The following NID1 variants were observed in gnomAD, a reference collection of about 807,000 sequenced individuals.
NID1 encodes the protein nidogen 1.
Under a neutral mutation model 130.6 loss-of-function variants are expected in NID1, and 76 were observed. The observed-to-expected ratio is 0.58, with a 90% CI of 0.48 to 0.70. The LOEUF (loss-of-function observed/expected upper bound fraction) is 0.70. Ranked by LOEUF, NID1 falls within the 30% of genes least tolerant of loss-of-function variation. The probability of loss-of-function intolerance (pLI) is 0.00; values close to 1 mark genes in which losing one functional copy is unlikely to be tolerated. For synonymous variants in NID1, 665 were observed against 675.1 expected (o/e 0.98, Z 0.23); for missense variants, 1,517 against 1,664.8 (o/e 0.91, Z 1.54).
At chr1:236,002,830 C>T (rs1658120628) in intron 12 of NID1, among the ~76,000 whole-genome samples, 1 of 152,202 alleles carries the variant, frequency 6.6e-6, no homozygotes, top group Admixed American at 6.5e-5. Flanking sequence ...GACGTGGCCA[C>T]AGACATCAAG....
chr1:236,017,307 T>C, intron 9 of NID1, 34 bp from the exon 10 acceptor site: 1 of 1,610,764 alleles, frequency 6.2e-7, no homozygotes, highest in Non-Finnish European at 8.5e-7. Flanking sequence ...TGCAGGCTTT[T>C]TTTTAAAGCT....
rs1479929297 is a variant in NID1 at position 235,979,890 on chromosome 1, G to T, written c.3441C>A (p.Leu1147=). 1.9e-6 allele frequency: 3 copies of T among 1,613,996 alleles called. No individual in the cohort carries two copies. The highest frequency in any genetic ancestry group is 1.7e-5 in the Admixed American group (1 of 59,998). ...CAGCAAAAGGATACTGGAGCCCTTCGAGAGCCTTGCGTCTGCTGGGCTGAC... is the reference window on the plus strand; with the variant it reads ...CAGCAAAAGGATACTGGAGCCCTTCTAGAGCCTTGCGTCTGCTGGGCTGAC... The part of the protein sequence containing the change: ...NPSQPSRRKA[L]EGLQYPFAVT... Residue 1147 remains leucine, a synonymous_variant, in exon 18 of 20, where the codon CTC becomes CTA. Transcript: ENST00000264187. The surrounding 1 kb of genome is among the most constrained non-coding windows in gnomAD (Gnocchi z 4.6).
At position 236,064,967 on chromosome 1, in the gene NID1, C is replaced by T; in HGVS notation, c.113G>A (p.Gly38Asp). The T allele has an allele frequency of 6.3e-7, 1 of 1,593,932 alleles. No homozygotes were observed. Among genetic ancestry groups the T allele is most frequent in the Non-Finnish European group, 8.5e-7 (1 of 1,171,012 alleles). ...CAGCTCCAGGTCCCCCTGTCCGGGGCCGAAGGGAAAGAGCTCCTGGCGGCT... is the reference window on the plus strand; with the variant it reads ...CAGCTCCAGGTCCCCCTGTCCGGGGTCGAAGGGAAAGAGCTCCTGGCGGCT... ...CLSRQELFPF[G>D]PGQGDLELED... The change falls in exon 1 of 20, where the codon GGC (glycine) becomes GAC (aspartate). Residue 38 changes from glycine to aspartate, a missense_variant. Gly to Asp is a moderately conservative substitution (Grantham distance 94). Coordinates refer to ENST00000264187, the MANE Select transcript of NID1 (RefSeq NM_002508.3).
intron 2 of NID1, among the ~76,000 whole-genome samples, chr1:236,046,698 C>G (rs1251850141): frequency 6.6e-6 from 1 of 152,018 alleles, no homozygotes; most frequent in African/African-American, 2.4e-5. Flanking sequence ...AGATTAGGCC[C>G]AAGAGGCAAG....
chr1:236,025,871 C>A, intron 8 of NID1, 25 bp downstream of exon 8: 1 of 1,607,978 alleles, frequency 6.2e-7, no homozygotes, highest in Non-Finnish European at 8.5e-7. Context: ...AGCACCTGTG[C>A]CCAGCATGAG....
In NID1 at chr1:236,061,132, A is replaced by G. The variant is rs866761453; in HGVS notation, c.225+3723T>C. 3.3e-5 allele frequency among the ~76,000 whole-genome samples: 5 copies of G among 152,350 alleles called. No individual in the cohort carries two copies. The Middle Eastern group carries it at 0.014, about 415-fold the overall frequency. On this transcript the variant is annotated intron_variant, in intron 1 of 19. Coordinates refer to ENST00000264187, the MANE Select transcript of NID1 (RefSeq NM_002508.3). ...AATAAATGCAGAAAGAATGACAGAA[A>G]CAAGCAACCAGCAAAATAAAATAAA... is the stretch of plus-strand genomic sequence containing the variant.
intron 12 of NID1, among the ~76,000 whole-genome samples, chr1:236,003,223 T>C (rs1355950284): frequency 6.6e-6 from 1 of 151,266 alleles, no homozygotes; most frequent in African/African-American, 2.4e-5. Flanking sequence ...CCGGTAGTTA[T>C]TCACTACTAA....
chr1:236,063,551 G>GT (rs982611031), intron 1 of NID1, among the ~76,000 whole-genome samples: 23 of 151,970 alleles, frequency 1.5e-4, no homozygotes, highest in African/African-American at 3.1e-4. Flanking sequence ...TAAGATGTGT[G>GT]TTTTTTTAAT....
At chr1:236,050,000 C>T (rs1023590425) in intron 1 of NID1, among the ~76,000 whole-genome samples, 2 of 148,750 alleles carry the variant, frequency 1.3e-5, no homozygotes, top group Non-Finnish European at 3.0e-5. Context: ...TGCACCACTG[C>T]ATTCCAGCCT....
intron 5 of NID1, among the ~76,000 whole-genome samples, chr1:236,036,726 C>T (rs574689280): frequency 1.3e-5 from 2 of 152,072 alleles, no homozygotes; most frequent in Non-Finnish European, 2.9e-5. Flanking sequence ...TGTGTTATCA[C>T]GGGAATGGGA....
intron 6 of NID1, 81 bp from the exon 7 acceptor site, chr1:236,029,831 G>A: frequency 7.2e-7 from 1 of 1,389,152 alleles, no homozygotes; most frequent in Non-Finnish European, 1.0e-6. Flanking sequence ...GTGTGGAGTG[G>A]GGTTGGTGCG....
chr1:236,050,068 A>G (rs1322870213), intron 1 of NID1, among the ~76,000 whole-genome samples: 1 of 151,700 alleles, frequency 6.6e-6, no homozygotes, highest in East Asian at 1.9e-4. Flanking sequence ...ACTAAGTACT[A>G]CTAATATCTA....
At chr1:235,989,129 T>C (rs1351044692) in intron 14 of NID1, among the ~76,000 whole-genome samples, 4 of 145,530 alleles carry the variant, frequency 2.7e-5, no homozygotes, top group African/African-American at 1.0e-4. Flanking sequence ...GGATCTCAGC[T>C]CACTGCAACC....
Position 235,993,674 on chromosome 1 carries a change from G to A in NID1, c.2726C>T (p.Thr909Ile). The A allele has an allele frequency of 1.9e-6, 3 of 1,574,932 alleles. No homozygotes were observed. In the South Asian group the frequency reaches 3.4e-5, roughly 18 times the overall value. The part of the protein sequence containing the change: ...VDRDGREVEG[T>I]RTRPGMTPPC... Reference sequence around the variant, plus strand: ...GGGCGTCATCCCGGGCCTGGTCCTGGTGCCCTCCACCTCGCGGCCGTCGCG... The same window carrying A: ...GGGCGTCATCCCGGGCCTGGTCCTGATGCCCTCCACCTCGCGGCCGTCGCG... Residue 909 changes from threonine (T) to isoleucine (I), a missense_variant, in exon 13 of 20, where the codon ACC becomes ATC. Physicochemically the swap from Thr to Ile is moderately conservative, Grantham distance 89 (BLOSUM62 -1). Transcript: ENST00000264187.
chr1:236,001,107 T>G (rs1658062068), intron 12 of NID1, among the ~76,000 whole-genome samples: 2 of 67,738 alleles, frequency 3.0e-5, no homozygotes, highest in Middle Eastern at 6.3e-3. Context: ...GGCTTTGAGA[T>G]TTTTTTTTTT....
intron 5 of NID1, among the ~76,000 whole-genome samples, chr1:236,035,916 T>A (rs1659244751): frequency 6.6e-6 from 1 of 152,030 alleles, no homozygotes; most frequent in East Asian, 1.9e-4. Context: ...AAACAAAAAA[T>A]TTTCCACCAA....
At chr1:236,058,076 T>A (rs527300568) in intron 1 of NID1, among the ~76,000 whole-genome samples, 1 of 152,232 alleles carries the variant, frequency 6.6e-6, no homozygotes, top group Non-Finnish European at 1.5e-5. Flanking sequence ...GTGCTGCTGA[T>A]GATAATAATG....
chr1:235,997,601 C>CTT lies in NID1; in HGVS notation c.2528-3731_2528-3730dup, dbSNP rs11325487. Among the ~76,000 whole-genome samples the CTT allele has an allele frequency of 2.2e-3, 283 of 127,570 alleles. 4 individuals carry two copies. Among genetic ancestry groups the CTT allele is most frequent in the African/African-American group, 7.5e-3 (254 of 33,764 alleles). The allele number at this position is 127,570 out of a possible 152,430, so 83.7% of individuals were successfully genotyped here. A position where few individuals can be genotyped will look rare whatever the true frequency, so the allele number is the denominator to read the frequency against. ...ATGTTTTTGACTCTCAGTTCCATTACTTTTTTTTTTTTTTTTTTTTTAAAT... is the reference window on the plus strand; with the variant it reads ...ATGTTTTTGACTCTCAGTTCCATTACTTTTTTTTTTTTTTTTTTTTTTTAAAT... On this transcript the variant is annotated intron_variant, in intron 12 of 19. Coordinates refer to ENST00000264187, the MANE Select transcript of NID1 (RefSeq NM_002508.3).
In NID1 at chr1:235,977,164, T is replaced by C. The variant is rs1195911316; in HGVS notation, c.*703A>G. 6.6e-6 allele frequency: 1 copy of C among 152,214 alleles called. No individual in the cohort carries two copies. The allele number at this position is 152,214 out of a possible 1,614,324, so 9.4% of individuals were successfully genotyped here. A position where few individuals can be genotyped will look rare whatever the true frequency, so the allele number is the denominator to read the frequency against. ...TTGATTTAAGCCTTTAACTAACAAA[T>C]GCCAATATCCTACTGCTCAAATATT... On this transcript the variant is annotated 3_prime_UTR_variant, in exon 20 of 20. Transcript: ENST00000264187.
Sources: allele counts gnomAD v4.1 joint callset (sites outside exome capture counted in the v4.1 genomes callset), GRCh38; gene constraint gnomAD v4.1.1; non-coding constraint Gnocchi (gnomAD v3.1); transcripts MANE v1.5; gene names NCBI Gene and HGNC (gene_info 2026-07-23, HGNC 2026-07-21).